PCSK2: variants seen among roughly 807,000 people sequenced by gnomAD.
PCSK2 encodes neuroendocrine convertase 2.
A neutral mutation model predicts 69.7 loss-of-function variants in PCSK2; 14 were observed. The ratio of observed to expected loss-of-function variants is 0.20; its 90% CI spans 0.13 to 0.31. PCSK2 has a LOEUF of 0.31. Among genes scored for constraint, PCSK2 ranks in the 10% least tolerant of loss-of-function variants. The pLI is 1.00. For missense variants in PCSK2, 544 were observed against 842.5 expected (o/e 0.65, Z 4.39); for synonymous variants, 307 against 320.7 (o/e 0.96, Z 0.46).
At position 17,306,074 on chromosome 20, in the gene PCSK2, C is replaced by A. The variant is rs1274370584; in HGVS notation, c.282+45730C>A. ...AAACACTGTATTTATTAGGATGAAC[C>A]ATTTTTATAGGGCTTTCTAAAACAC... On this transcript the variant is annotated intron_variant, in intron 2 of 11. Coordinates refer to ENST00000262545, the MANE Select transcript of PCSK2 (RefSeq NM_002594.5). Among the ~76,000 whole-genome samples, 8 of 152,162 alleles carry A rather than the reference C, an allele frequency of 5.3e-5. No homozygotes were observed. In the South Asian group the frequency reaches 1.7e-3, roughly 32 times the overall value.
In PCSK2 at chr20:17,401,908, A is replaced by T. The variant is rs374936833; in HGVS notation, c.544-7355A>T. Among the ~76,000 whole-genome samples, 6 of 152,336 alleles carry T rather than the reference A, an allele frequency of 3.9e-5. No individual in the cohort carries two copies. The East Asian group carries it at 1.2e-3, about 29-fold the overall frequency. ...TCTTGGAGCCAGCTCTTAGAGCCTC[A>T]TTCCAATGAATGGCAGCTTATTTTT... On this transcript the variant is annotated intron_variant, in intron 5 of 11. Transcript: ENST00000262545.
intron 8 of PCSK2, among the ~76,000 whole-genome samples, chr20:17,441,602 G>GA (rs1350610882): frequency 2.0e-5 from 3 of 152,178 alleles, no homozygotes; most frequent in African/African-American, 7.2e-5. Context: ...GGTGGAAGGT[G>GA]AAAGGCATGT....
chr20:17,253,253 T>C (rs1331405414), intron 1 of PCSK2, among the ~76,000 whole-genome samples: 1 of 152,204 alleles, frequency 6.6e-6, no homozygotes, highest in Admixed American at 6.5e-5. Context: ...AAATTTGCAA[T>C]TCAGTGATCT....
At chr20:17,293,206 G>A (rs1988756153) in intron 2 of PCSK2, among the ~76,000 whole-genome samples, 1 of 152,118 alleles carries the variant, frequency 6.6e-6, no homozygotes, top group Admixed American at 6.6e-5. Flanking sequence ...CCAGCTTGCT[G>A]AACTCTTATT....
At chr20:17,307,672 C>T (rs932724882) in intron 2 of PCSK2, among the ~76,000 whole-genome samples, 5 of 152,130 alleles carry the variant, frequency 3.3e-5, no homozygotes, top group Non-Finnish European at 7.3e-5. Flanking sequence ...GTGTTCTAGG[C>T]TCTGGGGATA....
At chr20:17,465,581 G>A (rs771085160) in intron 11 of PCSK2, 28 bp downstream of exon 11, 19 of 1,433,974 alleles carry the variant, frequency 1.3e-5, no homozygotes, top group Non-Finnish European at 1.7e-5. Context: ...TCCCTCTGCT[G>A]CATGTGGAAA....
intron 10 of PCSK2, among the ~76,000 whole-genome samples, chr20:17,457,987 T>C (rs776022344): frequency 1.9e-4 from 29 of 152,214 alleles, no homozygotes; most frequent in Non-Finnish European, 7.3e-5. Flanking sequence ...TAGAGATTCA[T>C]GGCTCTGCCT....
chr20:17,471,571 T>C (rs987053665), intron 11 of PCSK2, among the ~76,000 whole-genome samples: 3 of 152,234 alleles, frequency 2.0e-5, no homozygotes, highest in Admixed American at 2.0e-4. Context: ...GGGAAATGTC[T>C]GACTGCTGGC....
In PCSK2 at chr20:17,481,940, G is replaced by C. The variant is rs761012463; in HGVS notation, c.1787G>C (p.Ser596Thr). 6.2e-7 allele frequency: 1 copy of C among 1,613,666 alleles called. No homozygotes were observed. The highest frequency in any genetic ancestry group is 8.5e-7 in the Non-Finnish European group (1 of 1,179,986). Reference protein sequence around the residue: ...EWTLMLHGTQSAPYIDQVVRD... With the variant: ...EWTLMLHGTQTAPYIDQVVRD... The stretch of plus-strand genomic sequence containing the variant: ...ACCCTGATGCTGCATGGCACTCAGA[G>C]TGCCCCGTACATCGACCAGGTGGTG... The change falls in exon 12 of 12, where the codon AGT becomes ACT. Residue 596 changes from serine (S) to threonine (T), a missense_variant. Around this residue, in one of 3 missense-constraint regions of PCSK2, gnomAD observed 200 missense variants for 287.8 expected, o/e 0.69. Coordinates refer to ENST00000262545, the MANE Select transcript of PCSK2 (RefSeq NM_002594.5).
At chr20:17,229,845 C>T (rs1022876570) in intron 1 of PCSK2, among the ~76,000 whole-genome samples, 5 of 152,180 alleles carry the variant, frequency 3.3e-5, no homozygotes, top group African/African-American at 4.8e-5. Flanking sequence ...AGCTTTCCCT[C>T]CTCCAAATTT....
chr20:17,278,657 A>T (rs1600441937), intron 2 of PCSK2, among the ~76,000 whole-genome samples: 1 of 152,118 alleles, frequency 6.6e-6, no homozygotes, highest in South Asian at 2.1e-4. Context: ...CCAACATGGC[A>T]CATGTATACA....
chr20:17,231,731 C>T (rs542485370), intron 1 of PCSK2, among the ~76,000 whole-genome samples: 2 of 152,142 alleles, frequency 1.3e-5, no homozygotes, highest in Non-Finnish European at 2.9e-5. Context: ...GTCCTCTGCT[C>T]GAGTCTTCAC....
intron 2 of PCSK2, among the ~76,000 whole-genome samples, chr20:17,304,893 C>T (rs1438737625): frequency 6.6e-6 from 1 of 152,180 alleles, no homozygotes; most frequent in Non-Finnish European, 1.5e-5. Context: ...TTCCACCTGG[C>T]CTCCTATTGT....
chr20:17,254,128 G>T (rs1012804426), intron 1 of PCSK2, among the ~76,000 whole-genome samples: 5 of 152,114 alleles, frequency 3.3e-5, no homozygotes, highest in African/African-American at 1.2e-4. Context: ...TCAGAGATAT[G>T]ATTTTCAAAA....
chr20:17,290,950 T>G (rs1988675464), intron 2 of PCSK2, among the ~76,000 whole-genome samples: 1 of 152,088 alleles, frequency 6.6e-6, no homozygotes, highest in African/African-American at 2.4e-5. Context: ...ACCTAAACCA[T>G]GCCCTCAATA....
chr20:17,337,928 C>CAAAAAAA (rs3076245), intron 2 of PCSK2, among the ~76,000 whole-genome samples: 3 of 129,868 alleles, frequency 2.3e-5, no homozygotes, highest in African/African-American at 8.9e-5. Flanking sequence ...AAACCCATCT[C>CAAAAAAA]AAAAAAAAAA....
intron 5 of PCSK2, among the ~76,000 whole-genome samples, chr20:17,397,584 A>G (rs2031539243): frequency 6.6e-6 from 1 of 151,990 alleles, no homozygotes; most frequent in South Asian, 2.1e-4. Flanking sequence ...GGTTCAAGCA[A>G]TTCTCTGCTT....
chr20:17,244,302 A>G (rs1044990370), intron 1 of PCSK2, among the ~76,000 whole-genome samples: 8 of 152,220 alleles, frequency 5.3e-5, no homozygotes, highest in African/African-American at 1.9e-4. Flanking sequence ...AAAAATGTGT[A>G]CATTGATGCA....
At position 17,294,098 on chromosome 20, in the gene PCSK2, CTTTTTTTTTTTTTT is replaced by C. The variant is rs34805695; in HGVS notation, c.282+33765_282+33778del. On this transcript the variant is annotated intron_variant, in intron 2 of 11. Coordinates refer to ENST00000262545, the MANE Select transcript of PCSK2 (RefSeq NM_002594.5). ...GTTGTAAACTTGTATAAAGTATTTT[CTTTTTTTTTTTTTT>C]TTTTTTTTTTGAGACGGAGTCCCGC... Among the ~76,000 whole-genome samples the C allele has an allele frequency of 6.8e-5, 5 of 73,978 alleles. No homozygotes were observed. In the South Asian group the frequency reaches 2.2e-3, roughly 32 times the overall value. The allele number at this position is 73,978 out of a possible 152,430, so 48.5% of individuals were successfully genotyped here.
Sources: gnomAD v4.1 joint callset for allele counts (sites outside exome capture counted in the v4.1 genomes callset) on GRCh38, gnomAD v4.1.1 for gene constraint, gnomAD v4.1.1 regional missense constraint, MANE v1.5 for transcripts, NCBI Gene and HGNC (gene_info 2026-07-23, HGNC 2026-07-21) for gene names.